Variants in PGGHG observed in about 807,000 individuals in gnomAD.
PGGHG encodes the protein ATH1, acid trehalase-like 1.
A neutral mutation model predicts 74.5 loss-of-function variants in PGGHG; 67 were observed. That is an observed-to-expected ratio of 0.90 (90% CI 0.74 to 1.10). The LOEUF (loss-of-function observed/expected upper bound fraction) is 1.10, where lower values mean the gene tolerates loss of function less well. Ranked by LOEUF, PGGHG falls within the 50% of genes least tolerant of loss-of-function variation. The pLI is 0.00. For synonymous variants in PGGHG, 496 were observed against 419.9 expected, an observed-to-expected ratio of 1.18 and a Z score of -2.21; for missense variants, 1,034 against 981.5, an observed-to-expected ratio of 1.05 and a Z score of -0.72.
At position 293,619 on chromosome 11, in the gene PGGHG, C is replaced by T. The variant is rs780195582; in HGVS notation, c.1506C>T (p.Val502=). Residue 502 remains valine (V), a synonymous_variant, in exon 10 of 14, where the codon GTC becomes GTT. Transcript: ENST00000409548. ...EPGEVVKQAD[V]VLLGYPVPFS... The stretch of plus-strand genomic sequence containing the variant: ...GAGAGGTGGTGAAGCAGGCAGACGT[C>T]GTGCTCCTGGGATACCCAGTCCCCT... 3 of 1,613,498 alleles carry T rather than the reference C, an allele frequency of 1.9e-6. No individual in the cohort carries two copies. The highest frequency in any genetic ancestry group is 1.3e-5 in the African/African-American group (1 of 74,914).
intron 4 of PGGHG, 194 bp from the exon 5 acceptor site, chr11:291,782 C>T (rs896118781): frequency 1.3e-6 from 1 of 777,494 alleles, no homozygotes; most frequent in Non-Finnish European, 1.9e-6. Context: ...GGGCTGAGCA[C>T]CAGAACTCCA....
chr11:293,304 C>T, intron 8 of PGGHG, 62 bp from the exon 9 acceptor site: 2 of 1,602,840 alleles, frequency 1.2e-6, no homozygotes, highest in African/African-American at 2.7e-5. Flanking sequence ...GGTGCCCCCA[C>T]TAGGCAGGCA....
In PGGHG at chr11:293,908, A is replaced by C. The variant is rs747903315; in HGVS notation, c.1693A>C (p.Met565Leu). Residue 565 changes from methionine (M) to leucine (L), a missense_variant, in exon 11 of 14, where the codon ATG becomes CTG. Transcript: ENST00000409548. ...RGLLDRSFAN[M>L]AEPFKVWTEN... ...CCTCCTGGACAGGAGCTTTGCCAAC[A>C]TGGCTGAACCCTTCAAGGTCAGCCT... is the stretch of plus-strand genomic sequence containing the variant. 4.3e-6 allele frequency: 7 copies of C among 1,612,806 alleles called. No homozygotes were observed. The East Asian group carries it at 1.1e-4, about 26-fold the overall frequency.
chr11:291,247 T>C (rs2134022850), intron 4 of PGGHG, 134 bp downstream of exon 4: 2 of 1,134,890 alleles, frequency 1.8e-6, no homozygotes, highest in Non-Finnish European at 2.4e-6. Context: ...GCCTGGAAGG[T>C]GTGCAGGAGT....
intron 2 of PGGHG, 128 bp from the exon 3 acceptor site, chr11:290,262 G>C: frequency 6.6e-6 from 9 of 1,357,838 alleles, no homozygotes; most frequent in Non-Finnish European, 7.9e-6. Flanking sequence ...AGCTGTAGCG[G>C]GAACGAGCAG....
chr11:295,392 GGGGGAGT>G lies in PGGHG; in HGVS notation c.*647_*653del, dbSNP rs1310039363. 1 of 152,374 alleles carries G rather than the reference GGGGGAGT, an allele frequency of 6.6e-6. No homozygotes were observed. Among genetic ancestry groups the G allele is most frequent in the African/African-American group, 2.4e-5 (1 of 41,464 alleles). 9.4% of individuals were successfully genotyped at this position (152,374 alleles called of 1,614,324 possible). A position where few individuals can be genotyped will look rare whatever the true frequency, so the allele number is the denominator to read the frequency against. On this transcript the variant is annotated 3_prime_UTR_variant, in exon 14 of 14. Transcript: ENST00000409548. ...CCACGCCGCTTGTGAGGACAGAGGT[GGGGGAGT>G]GGGAAGTGGGAAGTCACCAGAGAAC...
chr11:294,208 G>A lies in PGGHG; in HGVS notation c.1808+12G>A, dbSNP rs1434630274. ...TGCACGGGGTTCAGGTAAGTGCAGA[G>A]GCTGGCAGAGGGCAGCCCATGCCCC... On this transcript the variant is annotated intron_variant, in intron 12 of 13. Transcript: ENST00000409548. The A allele has an allele frequency of 1.2e-6, 2 of 1,602,370 alleles. No individual in the cohort carries two copies. Among genetic ancestry groups the A allele is most frequent in the Non-Finnish European group, 1.7e-6 (2 of 1,173,600 alleles).
In PGGHG at chr11:294,703, C is replaced by T. The variant is rs1590292684; in HGVS notation, c.2168C>T (p.Ser723Phe). ...LQSPLWVTLGSSSPTESLTVD... is the reference protein window; with the variant it reads ...LQSPLWVTLGFSSPTESLTVD... ...AGCCCCCTCTGGGTCACCCTGGGTT[C>T]CTCCAGCCCCACCGAGTCACTCACT... is the stretch of plus-strand genomic sequence containing the variant. Residue 723 changes from serine to phenylalanine, a missense_variant, in exon 14 of 14, where the codon TCC (serine) becomes TTC (phenylalanine). Physicochemically the swap from Ser to Phe is radical, Grantham distance 155. Coordinates refer to ENST00000409548, the MANE Select transcript of PGGHG (RefSeq NM_025092.5). 6.2e-7 allele frequency: 1 copy of T among 1,611,884 alleles called. No homozygotes were observed. Among genetic ancestry groups the T allele is most frequent in the Non-Finnish European group, 8.5e-7 (1 of 1,179,174 alleles).
chr11:291,717 A>T (rs1845727341), intron 4 of PGGHG: 1 of 442,196 alleles, frequency 2.3e-6, no homozygotes, highest in Non-Finnish European at 4.0e-6. Context: ...CCATGCGCAT[A>T]TTCGGGCTGG....
At position 293,425 on chromosome 11, in the gene PGGHG, T is replaced by A; in HGVS notation, c.1403T>A (p.Leu468Gln). Residue 468 changes from leucine to glutamine, a missense_variant, in exon 9 of 14, where the codon CTG becomes CAG. Leu to Gln is a moderately radical substitution (Grantham distance 113). Transcript: ENST00000409548. ...DLGLPIPSQW[L>Q]AVADKIKVPF... The stretch of plus-strand genomic sequence containing the variant: ...GGTCTTCCCATCCCCAGCCAGTGGC[T>A]GGCGGTGGCTGACAAGATCAAGGTA... 3.1e-6 allele frequency: 5 copies of A among 1,612,558 alleles called. No individual in the cohort carries two copies. The highest frequency in any genetic ancestry group is 4.2e-6 in the Non-Finnish European group (5 of 1,179,994).
In PGGHG at chr11:289,507, G is replaced by T. The variant is rs937160809; in HGVS notation, c.-14+268G>T. 6 of 371,400 alleles carry T rather than the reference G, an allele frequency of 1.6e-5. No individual in the cohort carries two copies. The highest frequency in any genetic ancestry group is 6.2e-5 in the African/African-American group (3 of 48,104). The allele number at this position is 371,400 out of a possible 1,614,324, so 23.0% of individuals were successfully genotyped here. A position where few individuals can be genotyped will look rare whatever the true frequency, so the allele number is the denominator to read the frequency against. On this transcript the variant is annotated intron_variant, in intron 1 of 13. Coordinates refer to ENST00000409548, the MANE Select transcript of PGGHG (RefSeq NM_025092.5). This position sits in a 1 kb window ranked among gnomAD's most constrained non-coding sequence, Gnocchi z 5.6. ...AGGGTGGGGGCAAGACCGGGGTTGT[G>T]GGGGGTGCGTTTGGAAAGCAGGGTT... is the stretch of plus-strand genomic sequence containing the variant.
In PGGHG at chr11:290,006, G is replaced by A. The variant is rs540459543; in HGVS notation, c.190G>A (p.Val64Ile). The A allele has an allele frequency of 1.9e-6, 3 of 1,547,832 alleles. No homozygotes were observed. Among genetic ancestry groups the A allele is most frequent in the East Asian group, 4.9e-5 (2 of 40,912 alleles). Residue 64 changes from valine to isoleucine, a missense_variant, in exon 2 of 14, where the codon GTC (valine) becomes ATC (isoleucine). Transcript: ENST00000409548. ...GGCCATGCTGCCCAGCCCCCTCAAC[G>A]TCCGGCTGGAGGCCCCTGCAGGGAT... ...HRAMLPSPLN[V>I]RLEAPAGMGE...
rs1485857159 is a variant in PGGHG, at chr11:296,099, T to G, written c.*1350T>G. 1 of 152,280 alleles carries G rather than the reference T, an allele frequency of 6.6e-6. No homozygotes were observed. The highest frequency in any genetic ancestry group is 1.5e-5 in the Non-Finnish European group (1 of 68,084). The allele number at this position is 152,280 out of a possible 1,614,324, so 9.4% of individuals were successfully genotyped here. A position where few individuals can be genotyped will look rare whatever the true frequency, so the allele number is the denominator to read the frequency against. ...GTCGGCTCCCCTGACAGGAACCGTG[T>G]AGGGTGCAGAAGGCTGAGACCTGTG... On this transcript the variant is annotated 3_prime_UTR_variant, in exon 14 of 14. Transcript: ENST00000409548.
rs767417994 is a variant in PGGHG at position 293,006 on chromosome 11, A to G, written c.1270+9A>G. On this transcript the variant is annotated intron_variant, in intron 7 of 13. Transcript: ENST00000409548. ...AAAGTACCACCTGAGGGGTGAGGCC[A>G]TGGTGGGGAGGGGCTCGGGGAGGAA... The G allele has an allele frequency of 6.2e-7, 1 of 1,613,060 alleles. No homozygotes were observed. Among genetic ancestry groups the G allele is most frequent in the Admixed American group, 1.7e-5 (1 of 59,946 alleles).
At position 292,096 on chromosome 11, in the gene PGGHG, G is replaced by A; in HGVS notation, c.1026+1G>A. The A allele has an allele frequency of 6.4e-7, 1 of 1,553,932 alleles. No individual in the cohort carries two copies. Among genetic ancestry groups the A allele is most frequent in the Non-Finnish European group, 8.7e-7 (1 of 1,149,196 alleles). On this transcript the variant is annotated splice_donor_variant, in intron 5 of 13. Transcript: ENST00000409548. LOFTEE classifies it high-confidence loss of function. ...GAACGCCCAGAACCTGGGCTACCAG[G>A]TGAGGGGACCTGGGGCACTGGCCCG...
At chr11:294,004 G>T (rs1190692125) in intron 11 of PGGHG, 79 bp downstream of exon 11, 2 of 1,583,596 alleles carry the variant, frequency 1.3e-6, no homozygotes, top group Admixed American at 3.5e-5. Context: ...GCACAGCAGG[G>T]TGCACCCCTG....
rs1389217339 is a variant in PGGHG at position 293,851 on chromosome 11, A to G, written c.1636A>G (p.Met546Val). The change falls in exon 11 of 14, where the codon ATG becomes GTG. Residue 546 changes from methionine to valine, a missense_variant. By Grantham distance (21) the Met-to-Val change is conservative. Coordinates refer to ENST00000409548, the MANE Select transcript of PGGHG (RefSeq NM_025092.5). ...CCAGAGCATGTTTGCTGTGGGCTGG[A>G]TGGAGCTGAAGGACGCAGTGCGGGC... ...MTWSMFAVGW[M>V]ELKDAVRARG... The G allele has an allele frequency of 6.2e-7, 1 of 1,613,678 alleles. No homozygotes were observed. The highest frequency in any genetic ancestry group is 8.5e-7 in the Non-Finnish European group (1 of 1,179,990).
In PGGHG at chr11:295,567, T is replaced by C. The variant is rs1845846837; in HGVS notation, c.*818T>C. 6.6e-6 allele frequency: 1 copy of C among 152,242 alleles called. No homozygotes were observed. 9.4% of individuals were successfully genotyped at this position (152,242 alleles called of 1,614,324 possible). On this transcript the variant is annotated 3_prime_UTR_variant, in exon 14 of 14. Transcript: ENST00000409548. The stretch of plus-strand genomic sequence containing the variant: ...AGCCCCAGGGTTCGGTCGTCAGCAG[T>C]TTCCCAAGAACAAGATGTGATGGCA...
intron 2 of PGGHG, 80 bp downstream of exon 2, chr11:290,155 C>T (rs1446955788): frequency 1.4e-6 from 2 of 1,459,746 alleles, no homozygotes; most frequent in Non-Finnish European, 9.1e-7. Flanking sequence ...CGAATCCCAC[C>T]AGCACCTCCT....
Sources: gnomAD v4.1 joint callset for allele counts on GRCh38, gnomAD v4.1.1 for gene constraint, Gnocchi (gnomAD v3.1) non-coding constraint, MANE v1.5 for transcripts, NCBI Gene and HGNC (gene_info 2026-07-23, HGNC 2026-07-21) for gene names.